OGFRL1: variants seen among roughly 807,000 people sequenced by gnomAD.
OGFRL1 encodes the protein opioid growth factor receptor-like protein 1.
In OGFRL1, 26 loss-of-function variants were observed where a neutral mutation model predicts 32.4. That is an observed-to-expected ratio of 0.80 (90% CI 0.59 to 1.11). OGFRL1 has a LOEUF of 1.11. Among genes scored for constraint, OGFRL1 ranks in the 50% most tolerant of loss-of-function variants. The pLI is 0.00. For missense variants in OGFRL1, 521 were observed against 546.4 expected (o/e 0.95, Z 0.46); for synonymous variants, 211 against 201.2 (o/e 1.05, Z -0.41).
rs1311241630 is a variant in OGFRL1, at chr6:71,302,152, CTGTT to C, written c.*107_*110del. 1.9e-6 allele frequency: 2 copies of C among 1,034,604 alleles called. No individual in the cohort carries two copies. Among genetic ancestry groups the C allele is most frequent in the Non-Finnish European group, 1.3e-6 (1 of 752,196 alleles). The allele number at this position is 1,034,604 out of a possible 1,614,324, so 64.1% of individuals were successfully genotyped here. On this transcript the variant is annotated 3_prime_UTR_variant, in exon 7 of 7. Transcript: ENST00000370435. ...GAGGTCAATTTCAAATTTTAGCCAT[CTGTT>C]TGTGATTTCTGTCATAAGCATTTTG...
intron 1 of OGFRL1, chr6:71,291,505 ATGTT>A (rs1165642475): frequency 2.0e-5 from 3 of 152,236 alleles, no homozygotes; most frequent in Non-Finnish European, 4.4e-5. Flanking sequence ...ATACTACAGC[ATGTT>A]TGTTTGAGAT....
Position 71,304,052 on chromosome 6 carries a change from G to C in OGFRL1, c.*2003G>C, listed in dbSNP as rs1474805846. ...CCTCTATTGATCCACATTTTCTGCA[G>C]TGGATTTCTTGAAAAGAATCACACT... On this transcript the variant is annotated 3_prime_UTR_variant, in exon 7 of 7. Coordinates refer to ENST00000370435, the MANE Select transcript of OGFRL1 (RefSeq NM_024576.5). The C allele has an allele frequency of 1.3e-5, 2 of 152,120 alleles. No individual in the cohort carries two copies. The highest frequency in any genetic ancestry group is 1.3e-4 in the Admixed American group (2 of 15,270). 9.4% of individuals were successfully genotyped at this position (152,120 alleles called of 1,614,324 possible).
At position 71,308,497 on chromosome 6, in the gene OGFRL1, G is replaced by A. The variant is rs1766623097; in HGVS notation, c.*6448G>A. The A allele has an allele frequency of 1.3e-5, 2 of 152,150 alleles. No homozygotes were observed. Among genetic ancestry groups the A allele is most frequent in the Admixed American group, 1.3e-4 (2 of 15,276 alleles). The allele number at this position is 152,150 out of a possible 1,614,324, so 9.4% of individuals were successfully genotyped here. ...GGAAAATGCCTACGATTGTTACAAA[G>A]ATGTGTGTTTTACTTATAACATAAG... On this transcript the variant is annotated 3_prime_UTR_variant, in exon 7 of 7. Coordinates refer to ENST00000370435, the MANE Select transcript of OGFRL1 (RefSeq NM_024576.5).
At chr6:71,299,599 A>T (rs9346457) in intron 6 of OGFRL1, among the ~76,000 whole-genome samples, 25,366 of 151,976 alleles carry the variant, frequency 0.17, 2,677 homozygotes, top group African/African-American at 0.28. Context: ...CCTCTTTTTT[A>T]AAAAAAGAAT....
intron 4 of OGFRL1, 32 bp downstream of exon 4, chr6:71,296,427 T>G: frequency 1.3e-6 from 2 of 1,598,340 alleles, no homozygotes; most frequent in Non-Finnish European, 1.7e-6. Flanking sequence ...TTGAACCATG[T>G]CCTATTTAAT....
Position 71,302,363 on chromosome 6 carries a change from A to T in OGFRL1, c.*314A>T, listed in dbSNP as rs1159704087. On this transcript the variant is annotated 3_prime_UTR_variant, in exon 7 of 7. Coordinates refer to ENST00000370435, the MANE Select transcript of OGFRL1 (RefSeq NM_024576.5). ...TAGAAATTACCATGTAGTATTTGGT[A>T]TACAAAATACATTCTTTTGAGACAT... is the stretch of plus-strand genomic sequence containing the variant. 2 of 189,520 alleles carry T rather than the reference A, an allele frequency of 1.1e-5. No homozygotes were observed. The highest frequency in any genetic ancestry group is 1.8e-4 in the South Asian group (1 of 5,558). The allele number at this position is 189,520 out of a possible 1,614,324, so 11.7% of individuals were successfully genotyped here. A position where few individuals can be genotyped will look rare whatever the true frequency, so the allele number is the denominator to read the frequency against.
chr6:71,298,677 C>T lies in OGFRL1; in HGVS notation c.692+1860C>T, dbSNP rs1300513034. Among the ~76,000 whole-genome samples, 3 of 152,180 alleles carry T rather than the reference C, an allele frequency of 2.0e-5. No individual in the cohort carries two copies. The East Asian group carries it at 5.8e-4, about 29-fold the overall frequency. ...CTTTCTTTCTGCCACCTATTGTCAG[C>T]ATAGAGCTTTTCCAGCTGTGAATTA... On this transcript the variant is annotated intron_variant, in intron 6 of 6. Transcript: ENST00000370435.
At chr6:71,289,198 CG>C in intron 1 of OGFRL1, 28 bp downstream of exon 1, 1 of 1,059,494 alleles carries the variant, frequency 9.4e-7, no homozygotes, top group Admixed American at 5.4e-5. Context: ...GGCCTCGGGT[CG>C]GGCTGGGGCG....
At position 71,307,024 on chromosome 6, in the gene OGFRL1, T is replaced by G. The variant is rs1414935189; in HGVS notation, c.*4975T>G. On this transcript the variant is annotated 3_prime_UTR_variant, in exon 7 of 7. Transcript: ENST00000370435. ...CTACAGAGAGTGTTCTTTGTCATTT[T>G]TTTTCCTATTCTGTTGTGAAGTTTA... 1 of 152,216 alleles carries G rather than the reference T, an allele frequency of 6.6e-6. No individual in the cohort carries two copies. The highest frequency in any genetic ancestry group is 6.5e-5 in the Admixed American group (1 of 15,274). The allele number at this position is 152,216 out of a possible 1,614,324, so 9.4% of individuals were successfully genotyped here.
rs201066676 is a variant in OGFRL1, at chr6:71,296,299, T to A, written c.401-18T>A. 4.0e-6 allele frequency: 6 copies of A among 1,507,880 alleles called. No homozygotes were observed. The highest frequency in any genetic ancestry group is 1.8e-4 in the Middle Eastern group (1 of 5,558). 93.4% of individuals were successfully genotyped at this position (1,507,880 alleles called of 1,614,324 possible). ...ATGTTTGAAATGTCTGGTTCATTTT[T>A]AAATATTTACTATTTAGGTGTTTAC... On this transcript the variant is annotated intron_variant, in intron 3 of 6. Transcript: ENST00000370435.
In OGFRL1 at chr6:71,296,696, A is replaced by G. The variant is rs1397679712; in HGVS notation, c.571A>G (p.Ile191Val). The change falls in exon 6 of 7, where the codon ATT becomes GTT. Residue 191 changes from isoleucine to valine, a missense_variant. By Grantham distance (29) the Ile-to-Val change is conservative (BLOSUM62 3). Transcript: ENST00000370435. ...GGAATTCAAAAAAACAAAAGAAGCA[A>G]TTAGAAGATTCCTCCTGGCTTATAA... ...IEEFKKTKEA[I>V]RRFLLAYKMM... 4 of 1,612,124 alleles carry G rather than the reference A, an allele frequency of 2.5e-6. No homozygotes were observed. Among genetic ancestry groups the G allele is most frequent in the African/African-American group, 1.3e-5 (1 of 74,864 alleles).
At position 71,304,732 on chromosome 6, in the gene OGFRL1, G is replaced by C. The variant is rs1444932520; in HGVS notation, c.*2683G>C. 6.6e-6 allele frequency: 1 copy of C among 152,030 alleles called. No homozygotes were observed. Among genetic ancestry groups the C allele is most frequent in the Non-Finnish European group, 1.5e-5 (1 of 67,922 alleles). 9.4% of individuals were successfully genotyped at this position (152,030 alleles called of 1,614,324 possible). A position where few individuals can be genotyped will look rare whatever the true frequency, so the allele number is the denominator to read the frequency against. Reference sequence around the variant, plus strand: ...AATTCGAGAATATTTAGTCTCAAGAGAAACACTTCCTGGCATCCATCTTAA... The same window carrying C: ...AATTCGAGAATATTTAGTCTCAAGACAAACACTTCCTGGCATCCATCTTAA... On this transcript the variant is annotated 3_prime_UTR_variant, in exon 7 of 7. Transcript: ENST00000370435.
chr6:71,289,394 C>A (rs1404823887), intron 1 of OGFRL1: 29 of 984,764 alleles, frequency 2.9e-5, no homozygotes, highest in Non-Finnish European at 3.5e-5. Flanking sequence ...GGGGCCTGGC[C>A]GAGGGCACGG....
chr6:71,300,243 A>G (rs751116207), intron 6 of OGFRL1, among the ~76,000 whole-genome samples: 8 of 152,214 alleles, frequency 5.3e-5, no homozygotes, highest in Non-Finnish European at 1.2e-4. Flanking sequence ...TGGGCTGTTG[A>G]CAACACCTAT....
intron 3 of OGFRL1, 35 bp downstream of exon 3, chr6:71,293,646 A>G (rs780666048): frequency 2.3e-6 from 3 of 1,320,832 alleles, no homozygotes; most frequent in Non-Finnish European, 2.2e-6. Flanking sequence ...TTGCACTTTA[A>G]ATAATCACAT....
At position 71,308,599 on chromosome 6, in the gene OGFRL1, A is replaced by G. The variant is rs1432223271; in HGVS notation, c.*6550A>G. The G allele has an allele frequency of 6.6e-6, 1 of 152,188 alleles. No individual in the cohort carries two copies. Among genetic ancestry groups the G allele is most frequent in the Non-Finnish European group, 1.5e-5 (1 of 68,030 alleles). The allele number at this position is 152,188 out of a possible 1,614,324, so 9.4% of individuals were successfully genotyped here. On this transcript the variant is annotated 3_prime_UTR_variant, in exon 7 of 7. Coordinates refer to ENST00000370435, the MANE Select transcript of OGFRL1 (RefSeq NM_024576.5). Reference sequence around the variant, plus strand: ...CAGTATGAATTACAGAATGCTGTGCATGTTCGTTAGTACCAATACCATGTG... The same window carrying G: ...CAGTATGAATTACAGAATGCTGTGCGTGTTCGTTAGTACCAATACCATGTG...
chr6:71,289,119 C>A lies in OGFRL1; in HGVS notation c.183C>A (p.Pro61=). ...AQPPEQAGGR[P]GASPAPDEDA... is the part of the protein sequence containing the mutation. The stretch of plus-strand genomic sequence containing the variant: ...CCCCGGAGCAAGCCGGCGGGCGGCC[C>A]GGCGCCAGCCCCGCGCCGGACGAGG... Residue 61 remains proline, a synonymous_variant, in exon 1 of 7, where the codon CCC becomes CCA. Coordinates refer to ENST00000370435, the MANE Select transcript of OGFRL1 (RefSeq NM_024576.5). 9.0e-7 allele frequency: 1 copy of A among 1,108,870 alleles called. No homozygotes were observed. The highest frequency in any genetic ancestry group is 1.1e-6 in the Non-Finnish European group (1 of 911,014). 68.7% of individuals were successfully genotyped at this position (1,108,870 alleles called of 1,614,324 possible).
chr6:71,301,224 CT>C (rs1270888461), intron 6 of OGFRL1, among the ~76,000 whole-genome samples, 161 bp from the exon 7 acceptor site: 1 of 152,190 alleles, frequency 6.6e-6, no homozygotes, highest in Non-Finnish European at 1.5e-5. Flanking sequence ...TTAATACCCT[CT>C]GGTTTATTCT....
In OGFRL1 at chr6:71,293,567, G is replaced by A. The variant is rs770927609; in HGVS notation, c.356G>A (p.Ser119Asn). The A allele has an allele frequency of 2.3e-5, 37 of 1,613,050 alleles. No homozygotes were observed. In the South Asian group the frequency reaches 3.7e-4, roughly 16 times the overall value. The change falls in exon 3 of 7, where the codon AGC becomes AAC. Residue 119 changes from serine to asparagine, a missense_variant. Transcript: ENST00000370435. ...GATATCCGATATCAAAATGACTTGAGCAATCTTCGTTTTTATAAGAATAAA... is the reference window on the plus strand; with the variant it reads ...GATATCCGATATCAAAATGACTTGAACAATCTTCGTTTTTATAAGAATAAA... Reference protein sequence around the residue: ...FKDIRYQNDLSNLRFYKNKIP... With the variant: ...FKDIRYQNDLNNLRFYKNKIP...
Sources: allele counts gnomAD v4.1 joint callset (sites outside exome capture counted in the v4.1 genomes callset), GRCh38; gene constraint gnomAD v4.1.1; transcripts MANE v1.5; gene names NCBI Gene and HGNC (gene_info 2026-07-23, HGNC 2026-07-21).